TNS4: variants seen among roughly 807,000 people sequenced by gnomAD.
TNS4 encodes tensin 4, also known as tensin-4.
TNS4 carries 46 observed loss-of-function variants against 70.4 expected under a neutral mutation model. That is an observed-to-expected ratio of 0.65 (90% CI 0.52 to 0.84). TNS4 has a LOEUF of 0.84. TNS4 is among the 40% of genes least tolerant of loss of function. The probability of loss-of-function intolerance (pLI) is 0.00; values close to 1 mark genes in which losing one functional copy is unlikely to be tolerated. For missense variants in TNS4, 863 were observed against 907.0 expected (o/e 0.95, Z 0.62); for synonymous variants, 390 against 366.6 (o/e 1.06, Z -0.73).
chr17:40,500,693 G>A (rs2036201707), intron 1 of TNS4, among the ~76,000 whole-genome samples: 1 of 152,188 alleles, frequency 6.6e-6, no homozygotes, highest in African/African-American at 2.4e-5. Flanking sequence ...AAGGGAGAGG[G>A]TGGGGCAAGG....
intron 2 of TNS4, among the ~76,000 whole-genome samples, chr17:40,489,468 A>G (rs904078721): frequency 6.6e-6 from 1 of 152,230 alleles, no homozygotes; most frequent in South Asian, 2.1e-4. Flanking sequence ...GATGGGTTGT[A>G]CCAGTGACAC....
intron 2 of TNS4, among the ~76,000 whole-genome samples, chr17:40,490,915 C>A (rs544011224): frequency 2.8e-4 from 42 of 152,238 alleles, no homozygotes; most frequent in African/African-American, 7.2e-4. Context: ...TGGTGAGGCT[C>A]GAGAGAGGAG....
At chr17:40,485,060 G>T in intron 4 of TNS4, 53 bp from the exon 5 acceptor site, 1 of 1,519,900 alleles carries the variant, frequency 6.6e-7, no homozygotes, top group South Asian at 1.1e-5. Flanking sequence ...CGGGAGCTGA[G>T]GGATGTTCAC....
Position 40,487,424 on chromosome 17 carries a change from A to T in TNS4, c.900T>A (p.His300Gln), listed in dbSNP as rs1227519337. Residue 300 changes from histidine to glutamine, a missense_variant, in exon 4 of 13, where the codon CAT becomes CAA. By Grantham distance (24) the His-to-Gln change is conservative (BLOSUM62 0). Coordinates refer to ENST00000254051, the MANE Select transcript of TNS4 (RefSeq NM_032865.6). ...QSLLHSSNSS[H>Q]QSSSRSLESP... is the part of the protein sequence containing the mutation. ...TTTCCAAGGATCTGGAAGATGACTG[A>T]TGGCTGGAGTTGCTGGAGTGCAGGA... is the stretch of plus-strand genomic sequence containing the variant. The T allele has an allele frequency of 6.2e-7, 1 of 1,612,592 alleles. No homozygotes were observed. Among genetic ancestry groups the T allele is most frequent in the Non-Finnish European group, 8.5e-7 (1 of 1,178,854 alleles).
intron 10 of TNS4, among the ~76,000 whole-genome samples, chr17:40,478,927 G>A (rs2035885853): frequency 6.6e-6 from 1 of 151,992 alleles, no homozygotes; most frequent in Admixed American, 6.6e-5. Context: ...CTAACTTTTT[G>A]AGGACACGAA....
intron 8 of TNS4, 195 bp from the exon 9 acceptor site, chr17:40,480,963 T>C: frequency 1.7e-6 from 1 of 605,238 alleles, no homozygotes; most frequent in East Asian, 3.3e-5. Context: ...ATGCTTAGTT[T>C]GCAACCCTTT....
At chr17:40,487,805 C>T (rs547022368) in intron 3 of TNS4, among the ~76,000 whole-genome samples, 80 of 152,330 alleles carry the variant, frequency 5.3e-4, no homozygotes, top group African/African-American at 1.8e-3. Flanking sequence ...GCCCCCATGA[C>T]TCCCAGGAGC....
At chr17:40,484,438 C>T (rs117487855) in intron 6 of TNS4, 46 bp downstream of exon 6, 17,996 of 1,597,450 alleles carry the variant, frequency 0.011, 139 homozygotes, top group Non-Finnish European at 0.014. Context: ...TACCACACCC[C>T]GCTGCCTCAG....
chr17:40,485,094 C>G, intron 4 of TNS4, 87 bp from the exon 5 acceptor site: 4 of 1,156,036 alleles, frequency 3.5e-6, no homozygotes, highest in Non-Finnish European at 5.1e-6. Flanking sequence ...AGACCCTTCC[C>G]TACTCTATTG....
intron 1 of TNS4, among the ~76,000 whole-genome samples, chr17:40,498,461 T>C (rs1446929166): frequency 3.3e-5 from 5 of 152,250 alleles, no homozygotes; most frequent in African/African-American, 1.2e-4. Context: ...TTCCATTTAT[T>C]GAGCGCTGAC....
At position 40,488,757 on chromosome 17, in the gene TNS4, AG is replaced by A. The variant is rs2036026244; in HGVS notation, c.651del (p.Ser218GlnfsTer123). ...GGGGGTCGAGGGGAGAGACCCTCTG[AG>A]GGGGGCAGAGGGCGCTGGTGCCCCC... is the stretch of plus-strand genomic sequence containing the variant. ...QGRGHQRPLPPSEGLSPRPPN... is the reference protein window; with the variant it reads ...QGRGHQRPLPXSEGLSPRPPN... On this transcript the variant is annotated frameshift_variant, in exon 3 of 13. Coordinates refer to ENST00000254051, the MANE Select transcript of TNS4 (RefSeq NM_032865.6). LOFTEE classifies it high-confidence loss of function. 3.1e-6 allele frequency: 5 copies of A among 1,601,406 alleles called. No individual in the cohort carries two copies. Among genetic ancestry groups the A allele is most frequent in the African/African-American group, 1.4e-5 (1 of 72,944 alleles).
intron 12 of TNS4, 75 bp from the exon 13 acceptor site, chr17:40,477,804 G>A (rs2066592536): frequency 1.4e-6 from 2 of 1,427,396 alleles, no homozygotes; most frequent in Non-Finnish European, 9.8e-7. Flanking sequence ...GGGTGGTGGG[G>A]GGCCCTCAGC....
chr17:40,480,103 G>A (rs771951831), intron 9 of TNS4: 1 of 463,914 alleles, frequency 2.2e-6, no homozygotes, highest in African/African-American at 2.0e-5. Context: ...TGCCCTGTGT[G>A]TAGAGGTGCC....
At chr17:40,501,206 G>C (rs2036210394) in intron 1 of TNS4, among the ~76,000 whole-genome samples, 1 of 152,162 alleles carries the variant, frequency 6.6e-6, no homozygotes, top group Non-Finnish European at 1.5e-5. Context: ...CAGCACTTTG[G>C]GAGGCTAAGG....
chr17:40,492,298 A>G (rs1198917616), intron 2 of TNS4, among the ~76,000 whole-genome samples: 1 of 152,130 alleles, frequency 6.6e-6, no homozygotes, highest in Non-Finnish European at 1.5e-5. Flanking sequence ...CCCGAGCCTC[A>G]GTTTCCTCAT....
chr17:40,488,759 G>C lies in TNS4; in HGVS notation c.650C>G (p.Pro217Arg). 1.9e-6 allele frequency: 3 copies of C among 1,605,064 alleles called. No individual in the cohort carries two copies. The highest frequency in any genetic ancestry group is 2.6e-6 in the Non-Finnish European group (3 of 1,176,464). Residue 217 changes from proline (P) to arginine (R), a missense_variant, in exon 3 of 13, where the codon CCC (proline) becomes CGC (arginine). Coordinates refer to ENST00000254051, the MANE Select transcript of TNS4 (RefSeq NM_032865.6). Reference protein sequence around the residue: ...QGRGHQRPLPPSEGLSPRPPN... With the variant: ...QGRGHQRPLPRSEGLSPRPPN... ...GGGTCGAGGGGAGAGACCCTCTGAG[G>C]GGGGCAGAGGGCGCTGGTGCCCCCT...
chr17:40,487,148 T>C lies in TNS4; in HGVS notation c.1176A>G (p.Pro392=). The change falls in exon 4 of 13, where the codon CCA becomes CCG. Residue 392 remains proline (P), a synonymous_variant. Transcript: ENST00000254051. ...EPGSSPPQRT[P]GHQNSVQPGA... ...CAGGTTGAACGGAGTTCTGGTGTCC[T>C]GGGGTCCGCTGGGGTGGAGAAGACC... 1 of 1,614,154 alleles carries C rather than the reference T, an allele frequency of 6.2e-7. No individual in the cohort carries two copies. The highest frequency in any genetic ancestry group is 1.1e-5 in the South Asian group (1 of 91,082).
chr17:40,482,194 G>T lies in TNS4; in HGVS notation c.1607C>A (p.Ala536Asp). 6.2e-7 allele frequency: 1 copy of T among 1,614,226 alleles called. No homozygotes were observed. The highest frequency in any genetic ancestry group is 8.5e-7 in the Non-Finnish European group (1 of 1,180,042). The change falls in exon 8 of 13, where the codon GCC (alanine) becomes GAC (aspartate). Residue 536 changes from alanine to aspartate, a missense_variant. Ala to Asp is a moderately radical substitution (Grantham distance 126, BLOSUM62 -2). Coordinates refer to ENST00000254051, the MANE Select transcript of TNS4 (RefSeq NM_032865.6). ...CATGATGGAATGCTGGCACACGAAG[G>T]CAGAGAGGCTCCCTGAAAGGAAGCA... Reference protein sequence around the residue: ...DEEPYFGSLSAFVCQHSIMAL... With the variant: ...DEEPYFGSLSDFVCQHSIMAL...
intron 2 of TNS4, among the ~76,000 whole-genome samples, chr17:40,489,940 GT>G (rs1226580533): frequency 6.6e-6 from 1 of 152,082 alleles, no homozygotes; most frequent in African/African-American, 2.4e-5. Flanking sequence ...CCAGGCCTCA[GT>G]TTTGTTTGTT....
Sources: gnomAD v4.1 joint callset for allele counts (sites outside exome capture counted in the v4.1 genomes callset) on GRCh38, gnomAD v4.1.1 for gene constraint, MANE v1.5 for transcripts, NCBI Gene and HGNC (gene_info 2026-07-23, HGNC 2026-07-21) for gene names.